GRM8: variants seen among roughly 807,000 people sequenced by gnomAD.
The protein encoded by GRM8 is metabotropic glutamate receptor 8.
Under a neutral mutation model 87.2 loss-of-function variants are expected in GRM8, and 47 were observed. The observed-to-expected ratio is 0.54, with a 90% CI of 0.43 to 0.69. The LOEUF (loss-of-function observed/expected upper bound fraction) is 0.69, where lower values mean the gene tolerates loss of function less well. GRM8 is among the 30% of genes least tolerant of loss of function. GRM8 has a pLI of 0.00. For synonymous variants in GRM8, 396 were observed against 404.5 expected (o/e 0.98, Z 0.25); for missense variants, 1,019 against 1,139.2 (o/e 0.89, Z 1.52).
At chr7:126,551,603 AC>A (rs1466640322) in intron 8 of GRM8, among the ~76,000 whole-genome samples, 3 of 152,232 alleles carry the variant, frequency 2.0e-5, no homozygotes, top group Admixed American at 2.0e-4. Flanking sequence ...AAATGGATTC[AC>A]CATTTGGCCT....
intron 3 of GRM8, among the ~76,000 whole-genome samples, chr7:127,014,230 C>T (rs533194936): frequency 2.0e-5 from 3 of 152,238 alleles, no homozygotes; most frequent in East Asian, 3.9e-4. Context: ...TTGTGTTCAC[C>T]GATCCAAATT....
At chr7:126,545,226 T>C (rs1431848979) in intron 8 of GRM8, among the ~76,000 whole-genome samples, 1 of 152,192 alleles carries the variant, frequency 6.6e-6, no homozygotes, top group Non-Finnish European at 1.5e-5. Context: ...GTCAGACCTG[T>C]AATATTTTGG....
At chr7:126,660,119 A>G (rs1019128673) in intron 7 of GRM8, among the ~76,000 whole-genome samples, 2 of 152,178 alleles carry the variant, frequency 1.3e-5, no homozygotes, top group Non-Finnish European at 2.9e-5. Context: ...TGCTGCAACT[A>G]CATATACATA....
At chr7:126,815,826 C>A (rs1283912697) in intron 6 of GRM8, among the ~76,000 whole-genome samples, 2 of 151,968 alleles carry the variant, frequency 1.3e-5, no homozygotes, top group Non-Finnish European at 2.9e-5. Context: ...TCTGTGCAGC[C>A]ACTCTCTTAT....
At chr7:126,479,297 A>G (rs1248294921) in intron 9 of GRM8, among the ~76,000 whole-genome samples, 1 of 152,114 alleles carries the variant, frequency 6.6e-6, no homozygotes, top group South Asian at 2.1e-4. Context: ...AGTTTTTAGT[A>G]TATTCACAGA....
chr7:126,894,135 T>A (rs1385821209), intron 6 of GRM8, among the ~76,000 whole-genome samples: 2 of 152,094 alleles, frequency 1.3e-5, no homozygotes, highest in African/African-American at 4.8e-5. Flanking sequence ...CATCTATACA[T>A]TGTTCCTTTT....
chr7:126,955,408 A>G (rs1056318270), intron 3 of GRM8, among the ~76,000 whole-genome samples: 4 of 152,196 alleles, frequency 2.6e-5, no homozygotes, highest in African/African-American at 9.6e-5. Context: ...AAAGTTCTCA[A>G]TAAAAATTGT....
At chr7:126,727,701 T>TCA (rs1554470012) in intron 7 of GRM8, among the ~76,000 whole-genome samples, 4 of 113,256 alleles carry the variant, frequency 3.5e-5, no homozygotes, top group African/African-American at 1.2e-4. Context: ...TCATCTGAAA[T>TCA]CATACACACA....
intron 7 of GRM8, among the ~76,000 whole-genome samples, chr7:126,738,699 T>C (rs1225915081): frequency 1.3e-5 from 1 of 76,224 alleles, no homozygotes; most frequent in African/African-American, 5.5e-5. Context: ...GTGTGGGGGG[T>C]GAGTGGGGGG....
At chr7:126,691,896 C>T (rs915568552) in intron 7 of GRM8, among the ~76,000 whole-genome samples, 1 of 152,190 alleles carries the variant, frequency 6.6e-6, no homozygotes, top group South Asian at 2.1e-4. Context: ...GGTAGACTAC[C>T]TAGATCTTCG....
intron 9 of GRM8, among the ~76,000 whole-genome samples, chr7:126,471,433 T>C (rs965831304): frequency 2.6e-5 from 4 of 151,904 alleles, no homozygotes; most frequent in African/African-American, 9.7e-5. Flanking sequence ...CCCAGCACCA[T>C]TTATTAAATA....
intron 7 of GRM8, among the ~76,000 whole-genome samples, chr7:126,738,340 A>G (rs945604888): frequency 2.0e-5 from 3 of 152,088 alleles, no homozygotes; most frequent in Admixed American, 1.3e-4. Flanking sequence ...AGAGGGGAAT[A>G]AAATGTTACT....
chr7:126,610,326 T>C (rs906065907), intron 7 of GRM8, among the ~76,000 whole-genome samples: 3 of 152,214 alleles, frequency 2.0e-5, no homozygotes, highest in Non-Finnish European at 4.4e-5. Context: ...CAGACTTTCC[T>C]TTTCTCTAAC....
At chr7:126,607,570 G>T (rs540827945) in intron 8 of GRM8, among the ~76,000 whole-genome samples, 1 of 152,246 alleles carries the variant, frequency 6.6e-6, no homozygotes, top group African/African-American at 2.4e-5. Context: ...TCAAGAAGAG[G>T]AGATGTTTTT....
intron 8 of GRM8, among the ~76,000 whole-genome samples, chr7:126,551,418 T>C (rs1217294088): frequency 6.6e-6 from 1 of 152,168 alleles, no homozygotes; most frequent in African/African-American, 2.4e-5. Flanking sequence ...GTTTTATCCT[T>C]AATATTTTTT....
At chr7:126,687,128 G>A (rs921019344) in intron 7 of GRM8, among the ~76,000 whole-genome samples, 1 of 152,132 alleles carries the variant, frequency 6.6e-6, no homozygotes, top group African/African-American at 2.4e-5. Context: ...GATGCAATAC[G>A]GTTGGCACAT....
At chr7:126,960,859 G>A (rs1809241568) in intron 3 of GRM8, among the ~76,000 whole-genome samples, 1 of 152,076 alleles carries the variant, frequency 6.6e-6, no homozygotes, top group Admixed American at 6.5e-5. Flanking sequence ...TGAATTGAGT[G>A]GGATCTCAAA....
At position 126,774,424 on chromosome 7, in the gene GRM8, G is replaced by T. The variant is rs188572980; in HGVS notation, c.1157-4359C>A. 4.7e-3 allele frequency among the ~76,000 whole-genome samples: 712 copies of T among 152,228 alleles called. 6 individuals carry two copies. The highest frequency in any genetic ancestry group is 0.016 in the African/African-American group (683 of 41,534). On this transcript the variant is annotated intron_variant, in intron 6 of 10. Coordinates refer to ENST00000339582, the MANE Select transcript of GRM8 (RefSeq NM_000845.3). ...CTATAAAGTGCTAAATATCGTCAAA[G>T]GCTTTATGTCAGCTAACCATTTTAA... is the stretch of plus-strand genomic sequence containing the variant.
At chr7:126,896,739 G>A (rs550870385) in intron 6 of GRM8, among the ~76,000 whole-genome samples, 7 of 152,150 alleles carry the variant, frequency 4.6e-5, no homozygotes, top group South Asian at 2.1e-4. Flanking sequence ...TTCCATTACC[G>A]CTATTTCTAT....
Sources: allele counts gnomAD v4.1 joint callset (sites outside exome capture counted in the v4.1 genomes callset), GRCh38; gene constraint gnomAD v4.1.1; transcripts MANE v1.5; gene names NCBI Gene and HGNC (gene_info 2026-07-23, HGNC 2026-07-21).